Variants in ATM observed in about 807,000 individuals in gnomAD.
ATM encodes the protein ATM serine/threonine kinase, also known as serine-protein kinase ATM.
Under a neutral mutation model 387.0 loss-of-function variants are expected in ATM, and 308 were observed. The ratio of observed to expected loss-of-function variants is 0.80; its 90% confidence interval spans 0.73 to 0.87. The LOEUF is 0.87. ATM is among the 40% of genes least tolerant of loss of function. ATM has a pLI of 0.00. For missense variants in ATM, 3,312 were observed against 3,560.9 expected, an observed-to-expected ratio of 0.93 and a Z score of 1.78; for synonymous variants, 1,156 against 1,187.3, an observed-to-expected ratio of 0.97 and a Z score of 0.54.
chr11:108,237,899 G>GTTTTTTTTTTTTTTTTTTT (rs369161623), intron 5 of ATM, among the ~76,000 whole-genome samples: 13 of 92,040 alleles, frequency 1.4e-4, no homozygotes, highest in African/African-American at 4.7e-4. Context: ...ATTTACTTAG[G>GTTTTTTTTTTTTTTTTTTT]TTTTTTTTTT....
intron 61 of ATM, among the ~76,000 whole-genome samples, chr11:108,357,967 G>A (rs1358574309): frequency 6.7e-6 from 1 of 149,752 alleles, no homozygotes; most frequent in Non-Finnish European, 1.5e-5. Context: ...CGAGCTGAGA[G>A]AAGAAGGCTT....
intron 11 of ATM, 50 bp downstream of exon 11, chr11:108,252,081 G>C: frequency 1.3e-6 from 2 of 1,528,126 alleles, no homozygotes; most frequent in Non-Finnish European, 1.8e-6. Flanking sequence ...TGTTTTATCA[G>C]GCTCTCTCCA....
intron 56 of ATM, among the ~76,000 whole-genome samples, chr11:108,337,393 G>A (rs1299113097): frequency 6.6e-6 from 1 of 152,166 alleles, no homozygotes; most frequent in East Asian, 1.9e-4. Context: ...CTCTATAAAG[G>A]CTACTCTGTA....
At chr11:108,355,676 T>A (rs2089819423) in intron 61 of ATM, 1 of 152,248 alleles carries the variant, frequency 6.6e-6, no homozygotes, top group Non-Finnish European at 1.5e-5. Flanking sequence ...TTACTTTTAC[T>A]GCATTTAAAA....
intron 54 of ATM, 59 bp downstream of exon 54, chr11:108,334,027 C>A: frequency 2.3e-6 from 3 of 1,319,914 alleles, no homozygotes; most frequent in Non-Finnish European, 2.2e-6. Context: ...TAGATTGAAC[C>A]ATTTGAAATA....
intron 33 of ATM, among the ~76,000 whole-genome samples, chr11:108,298,606 A>C (rs1037681475): frequency 2.0e-5 from 3 of 152,200 alleles, no homozygotes; most frequent in African/African-American, 7.2e-5. Flanking sequence ...GTTTGTTCTC[A>C]CAGCTTTCCC....
rs2080118143 is a variant in ATM at position 108,251,023 on chromosome 11, G to A, written c.1558G>A (p.Asp520Asn). The A allele has an allele frequency of 1.2e-6, 2 of 1,614,144 alleles. No homozygotes were observed. Among genetic ancestry groups the A allele is most frequent in the Non-Finnish European group, 8.5e-7 (1 of 1,180,024 alleles). The change falls in exon 10 of 63, where the codon GAC (aspartate) becomes AAC (asparagine). Residue 520 changes from aspartate to asparagine, a missense_variant. Around this residue, in one of 4 missense-constraint regions of ATM, gnomAD observed 1,791 missense variants for 1,804.5 expected, o/e 0.99. Coordinates refer to ENST00000675843, the MANE Select transcript of ATM (RefSeq NM_000051.4). ...AATTCAGGGTAGTTTAGTTGAGGTT[G>A]ACAGAGAATTCTGGAAGTTATTTAC... ...AIIQGSLVEV[D>N]REFWKLFTGS...
intron 4 of ATM, among the ~76,000 whole-genome samples, chr11:108,233,231 A>G (rs1289238393): frequency 6.6e-6 from 1 of 151,968 alleles, no homozygotes; most frequent in Non-Finnish European, 1.5e-5. Context: ...ATAGTGCAAA[A>G]CTCAGCTGCG....
intron 56 of ATM, 97 bp from the exon 57 acceptor site, chr11:108,343,124 GA>G: frequency 2.8e-5 from 42 of 1,475,240 alleles, no homozygotes; most frequent in Non-Finnish European, 3.4e-5. Flanking sequence ...AATACAACTT[GA>G]AAAAAAATGC....
rs2089570249 is a variant in ATM at position 108,354,070 on chromosome 11, A to ACACACACACACAC, written c.8786+190_8786+191insCACACACACACAC. ...GTATCTAAAAAAATACACACACACA[A>ACACACACACACAC]ACACACACACACACACACACACACA... On this transcript the variant is annotated intron_variant, in intron 60 of 62. Transcript: ENST00000675843. 1.4e-3 allele frequency among the ~76,000 whole-genome samples: 161 copies of ACACACACACACAC among 114,944 alleles called. 1 individual carries two copies. Among genetic ancestry groups the ACACACACACACAC allele is most frequent in the African/African-American group, 4.1e-3 (139 of 33,840 alleles). The allele number at this position is 114,944 out of a possible 152,430, so 75.4% of individuals were successfully genotyped here. A position where few individuals can be genotyped will look rare whatever the true frequency, so the allele number is the denominator to read the frequency against.
intron 18 of ATM, among the ~76,000 whole-genome samples, chr11:108,269,284 A>T (rs1041534178): frequency 1.3e-5 from 2 of 152,002 alleles, no homozygotes; most frequent in African/African-American, 2.4e-5. Flanking sequence ...TTTTTTATTT[A>T]TCATGACCTT....
intron 13 of ATM, among the ~76,000 whole-genome samples, chr11:108,254,329 A>G (rs937617334): frequency 6.6e-5 from 10 of 152,120 alleles, no homozygotes; most frequent in African/African-American, 2.2e-4. Flanking sequence ...TTATATGATG[A>G]AAAAAACCTC....
intron 39 of ATM, 47 bp downstream of exon 39, chr11:108,310,362 G>A (rs2084046868): frequency 6.5e-6 from 10 of 1,539,344 alleles, no homozygotes; most frequent in Non-Finnish European, 8.1e-6. Context: ...TGTTGGCATT[G>A]TCTCAATAAG....
In ATM at chr11:108,308,904, G is replaced by A. The variant is rs939571961; in HGVS notation, c.5762+920G>A. 8.7e-6 allele frequency: 8 copies of A among 919,726 alleles called. No homozygotes were observed. In the African/African-American group the frequency reaches 9.9e-5, roughly 11 times the overall value. 57.0% of individuals were successfully genotyped at this position (919,726 alleles called of 1,614,324 possible). On this transcript the variant is annotated intron_variant, in intron 38 of 62. Transcript: ENST00000675843. ...GAGGAGGCCTATCAGAAGCTTTAAT[G>A]TAGTGGAGAGCATTTGTTTTCTTGG...
chr11:108,327,536 C>A, intron 47 of ATM, 109 bp from the exon 48 acceptor site: 2 of 846,696 alleles, frequency 2.4e-6, no homozygotes, highest in South Asian at 1.5e-5. Flanking sequence ...TTTTTTCCCA[C>A]CCACCAAGGA....
chr11:108,245,106 A>G, intron 7 of ATM, 80 bp downstream of exon 7: 1 of 1,135,758 alleles, frequency 8.8e-7, no homozygotes, highest in Non-Finnish European at 1.3e-6. Context: ...AGTGTTCTTT[A>G]GGAGGATATG....
chr11:108,354,718 C>T, intron 60 of ATM, 93 bp from the exon 61 acceptor site: 1 of 1,110,712 alleles, frequency 9.0e-7, no homozygotes, highest in Non-Finnish European at 1.4e-6. Flanking sequence ...TAAGCATAGG[C>T]TCAGCATACT....
chr11:108,271,490 T>C lies in ATM; in HGVS notation c.3077+84T>C, dbSNP rs535684646. The C allele has an allele frequency of 4.6e-5, 67 of 1,448,438 alleles. No homozygotes were observed. In the African/African-American group the frequency reaches 8.8e-4, roughly 19 times the overall value. The allele number at this position is 1,448,438 out of a possible 1,614,324, so 89.7% of individuals were successfully genotyped here. On this transcript the variant is annotated intron_variant, in intron 20 of 62. Transcript: ENST00000675843. ...AAGTTTTGTATCCACATCAGTGATT[T>C]CTTCTGATCTTCCTACATAGCTAAT... is the stretch of plus-strand genomic sequence containing the variant.
chr11:108,331,336 C>T (rs2086210324), intron 50 of ATM, 108 bp from the exon 51 acceptor site: 6 of 1,474,338 alleles, frequency 4.1e-6, no homozygotes, highest in South Asian at 1.4e-5. Context: ...GTTTTGTTAA[C>T]CACTTGTGCT....
Sources: allele counts gnomAD v4.1 joint callset (sites outside exome capture counted in the v4.1 genomes callset), GRCh38; gene constraint gnomAD v4.1.1; regional missense constraint gnomAD v4.1.1; transcripts MANE v1.5; gene names NCBI Gene and HGNC (gene_info 2026-07-23, HGNC 2026-07-21).